Variants in CYRIA observed in about 807,000 individuals in gnomAD.
CYRIA encodes the protein CYFIP-related Rac1 interactor A.
In CYRIA, 15 loss-of-function variants were observed where a neutral mutation model predicts 43.9. The observed-to-expected ratio is 0.34, with a 90% confidence interval of 0.23 to 0.53. CYRIA has a LOEUF of 0.53. Ranked by LOEUF, CYRIA falls within the 20% of genes least tolerant of loss-of-function variation. The pLI is 0.94. For missense variants in CYRIA, 236 were observed against 394.2 expected (o/e 0.60, Z 3.40); for synonymous variants, 117 against 136.0 (o/e 0.86, Z 0.97).
chr2:16,657,061 TCTC>T (rs1670135492), intron 1 of CYRIA, among the ~76,000 whole-genome samples: 1 of 152,088 alleles, frequency 6.6e-6, no homozygotes, highest in African/African-American at 2.4e-5. Flanking sequence ...TGCTTCCCAC[TCTC>T]CTCCTCTTTT....
chr2:16,662,871 CTG>C (rs1251050091), intron 1 of CYRIA, among the ~76,000 whole-genome samples: 1 of 152,230 alleles, frequency 6.6e-6, no homozygotes, highest in African/African-American at 2.4e-5. Context: ...ACCTGTCTAA[CTG>C]TATTATAAGG....
intron 2 of CYRIA, among the ~76,000 whole-genome samples, chr2:16,588,484 T>C (rs1324381898): frequency 1.3e-5 from 2 of 152,052 alleles, no homozygotes; most frequent in African/African-American, 2.4e-5. Flanking sequence ...ATTTTCATTA[T>C]AGGAGACAAA....
At chr2:16,588,767 T>A (rs1667822233) in intron 2 of CYRIA, among the ~76,000 whole-genome samples, 1 of 152,118 alleles carries the variant, frequency 6.6e-6, no homozygotes, top group Non-Finnish European at 1.5e-5. Flanking sequence ...GAGGAGTGGC[T>A]CCCAGGCAAG....
intron 2 of CYRIA, among the ~76,000 whole-genome samples, chr2:16,622,564 G>A (rs1331748132): frequency 1.3e-5 from 2 of 152,168 alleles, no homozygotes; most frequent in Non-Finnish European, 2.9e-5. Flanking sequence ...CCTGTAACAA[G>A]AAACCATGCT....
chr2:16,665,829 G>T lies in CYRIA; in HGVS notation c.-216C>A, dbSNP rs904676834. Reference sequence around the variant, plus strand: ...CGCCCGCTCCGCCGCCGCCGAGTACGCCTCTCCCGCGGCCGCCGCAGCCTG... The same window carrying T: ...CGCCCGCTCCGCCGCCGCCGAGTACTCCTCTCCCGCGGCCGCCGCAGCCTG... On this transcript the variant is annotated 5_prime_UTR_variant, in exon 1 of 12. Coordinates refer to ENST00000381323, the MANE Select transcript of CYRIA (RefSeq NM_030797.4). 2.2e-3 allele frequency: 308 copies of T among 142,410 alleles called. No homozygotes were observed. The highest frequency in any genetic ancestry group is 3.3e-3 in the Non-Finnish European group (211 of 64,760). The allele number at this position is 142,410 out of a possible 1,614,324, so 8.8% of individuals were successfully genotyped here. A position where few individuals can be genotyped will look rare whatever the true frequency, so the allele number is the denominator to read the frequency against.
intron 2 of CYRIA, among the ~76,000 whole-genome samples, chr2:16,621,062 G>A (rs531506776): frequency 6.6e-5 from 10 of 152,290 alleles, no homozygotes; most frequent in South Asian, 4.1e-4. Context: ...CCATTAGTGC[G>A]TCTCCTGGTA....
intron 2 of CYRIA, among the ~76,000 whole-genome samples, chr2:16,589,084 A>G (rs1572485126): frequency 6.6e-6 from 1 of 152,078 alleles, no homozygotes; most frequent in East Asian, 1.9e-4. Flanking sequence ...CATTCAACAC[A>G]TATTTACGGA....
At chr2:16,618,160 A>G (rs1258810895) in intron 2 of CYRIA, among the ~76,000 whole-genome samples, 1 of 152,198 alleles carries the variant, frequency 6.6e-6, no homozygotes, top group Non-Finnish European at 1.5e-5. Context: ...AAGGAGGACT[A>G]CAGAGCCCAG....
Position 16,582,769 on chromosome 2 carries a change from C to T in CYRIA, c.70+5281G>A, listed in dbSNP as rs540022121. On this transcript the variant is annotated intron_variant, in intron 3 of 11. Transcript: ENST00000381323. Reference sequence around the variant, plus strand: ...ATTTGCCCATTCGTCAGCTGATGGGCATTTGGGTTGTTCCCACTTTTCAGC... The same window carrying T: ...ATTTGCCCATTCGTCAGCTGATGGGTATTTGGGTTGTTCCCACTTTTCAGC... Among the ~76,000 whole-genome samples, 7 of 152,250 alleles carry T rather than the reference C, an allele frequency of 4.6e-5. No individual in the cohort carries two copies. In the South Asian group the frequency reaches 1.2e-3, roughly 27 times the overall value.
In CYRIA at chr2:16,593,628, G is replaced by A. The variant is rs59617167; in HGVS notation, c.-10-5499C>T. On this transcript the variant is annotated intron_variant, in intron 2 of 11. Coordinates refer to ENST00000381323, the MANE Select transcript of CYRIA (RefSeq NM_030797.4). The stretch of plus-strand genomic sequence containing the variant: ...AACAAATGCTTTTAAAAATATGGAT[G>A]GTGTGGTTACTCTTTTAGTAATACT... 4.0e-5 allele frequency among the ~76,000 whole-genome samples: 6 copies of A among 150,688 alleles called. No individual in the cohort carries two copies. In the East Asian group the frequency reaches 1.2e-3, roughly 29 times the overall value.
At chr2:16,603,057 T>C (rs952618508) in intron 2 of CYRIA, among the ~76,000 whole-genome samples, 3 of 152,108 alleles carry the variant, frequency 2.0e-5, no homozygotes, top group Non-Finnish European at 4.4e-5. Flanking sequence ...ATTTTCCTAA[T>C]CACAAATCTG....
At chr2:16,613,581 A>T (rs970146187) in intron 2 of CYRIA, among the ~76,000 whole-genome samples, 1 of 152,240 alleles carries the variant, frequency 6.6e-6, no homozygotes, top group Non-Finnish European at 1.5e-5. Flanking sequence ...TATTTCTGCT[A>T]AATTGGAGAG....
intron 3 of CYRIA, among the ~76,000 whole-genome samples, chr2:16,587,531 A>G (rs1385902799): frequency 6.6e-6 from 1 of 152,104 alleles, no homozygotes; most frequent in Non-Finnish European, 1.5e-5. Context: ...ATTAGGGAAA[A>G]AGGAAGGAAA....
chr2:16,558,969 GA>G (rs1026942621), intron 10 of CYRIA, among the ~76,000 whole-genome samples: 2 of 152,160 alleles, frequency 1.3e-5, no homozygotes, highest in African/African-American at 2.4e-5. Context: ...CTCTCGGCAA[GA>G]GAAAGGACTC....
At chr2:16,632,429 G>C (rs1194298041) in intron 1 of CYRIA, among the ~76,000 whole-genome samples, 1 of 151,972 alleles carries the variant, frequency 6.6e-6, no homozygotes, top group Non-Finnish European at 1.5e-5. Flanking sequence ...ACCAATTCCT[G>C]TCTGTGCCAC....
At chr2:16,557,469 T>G (rs1163192913) in intron 10 of CYRIA, among the ~76,000 whole-genome samples, 2 of 152,078 alleles carry the variant, frequency 1.3e-5, no homozygotes, top group East Asian at 3.9e-4. Flanking sequence ...GATGCCCTAA[T>G]GATTTACGAG....
intron 1 of CYRIA, among the ~76,000 whole-genome samples, chr2:16,638,018 G>A (rs1169317656): frequency 2.0e-5 from 3 of 152,146 alleles, no homozygotes; most frequent in Non-Finnish European, 4.4e-5. Flanking sequence ...TGAGGGCCTG[G>A]GTAACGGGGG....
chr2:16,550,040 CACA>C lies in CYRIA; in HGVS notation c.*2893_*2895del, dbSNP rs1228283671. 1 of 148,188 alleles carries C rather than the reference CACA, an allele frequency of 6.7e-6. No homozygotes were observed. Among genetic ancestry groups the C allele is most frequent in the Non-Finnish European group, 1.5e-5 (1 of 67,384 alleles). The allele number at this position is 148,188 out of a possible 1,614,324, so 9.2% of individuals were successfully genotyped here. ...TTTCTACTACTAATTCCTAGTGGTG[CACA>C]ACGAGTTTCTGAGAACACAGTAATA... is the stretch of plus-strand genomic sequence containing the variant. On this transcript the variant is annotated 3_prime_UTR_variant, in exon 12 of 12. Transcript: ENST00000381323.
chr2:16,641,318 G>C (rs558818663), intron 1 of CYRIA, among the ~76,000 whole-genome samples: 6 of 152,056 alleles, frequency 3.9e-5, no homozygotes, highest in African/African-American at 1.2e-4. Flanking sequence ...CTTCTCCTCC[G>C]TATGCCACGC....
Sources: allele counts gnomAD v4.1 joint callset (sites outside exome capture counted in the v4.1 genomes callset), GRCh38; gene constraint gnomAD v4.1.1; transcripts MANE v1.5; gene names NCBI Gene and HGNC (gene_info 2026-07-23, HGNC 2026-07-21).